The following ITGAV variants were observed in gnomAD, a reference collection of about 807,000 sequenced individuals.
ITGAV encodes integrin subunit alpha V, also known as integrin alpha-V.
ITGAV carries 76 observed loss-of-function variants against 143.8 expected under a neutral mutation model. That is an observed-to-expected ratio of 0.53 (90% CI 0.44 to 0.64). ITGAV has a LOEUF of 0.64. ITGAV is among the 30% of genes least tolerant of loss of function. The pLI is 0.00. For missense variants in ITGAV, 1,193 were observed against 1,274.7 expected, an observed-to-expected ratio of 0.94 and a Z score of 0.98; for synonymous variants, 453 against 446.7, an observed-to-expected ratio of 1.01 and a Z score of -0.18.
chr2:186,632,689 C>T (rs545950284), intron 5 of ITGAV, among the ~76,000 whole-genome samples: 195 of 152,042 alleles, frequency 1.3e-3, no homozygotes, highest in African/African-American at 4.6e-3. Flanking sequence ...AAAATATTTC[C>T]TTTAGCAGAA....
chr2:186,646,251 A>G (rs1193074918), intron 12 of ITGAV, among the ~76,000 whole-genome samples: 1 of 152,194 alleles, frequency 6.6e-6, no homozygotes, highest in Non-Finnish European at 1.5e-5. Flanking sequence ...CCATCCATAA[A>G]TAAATTATCT....
rs1689275254 is a variant in ITGAV, at chr2:186,678,571, G to C, written c.*1279G>C. Reference sequence around the variant, plus strand: ...TGAAAACCTTTTAAACCTTTCTGAAGTTCGTTAGTATAAATTACTTTTCTA... The same window carrying C: ...TGAAAACCTTTTAAACCTTTCTGAACTTCGTTAGTATAAATTACTTTTCTA... On this transcript the variant is annotated 3_prime_UTR_variant, in exon 30 of 30. Coordinates refer to ENST00000261023, the MANE Select transcript of ITGAV (RefSeq NM_002210.5). 1 of 305,952 alleles carries C rather than the reference G, an allele frequency of 3.3e-6. No homozygotes were observed. The highest frequency in any genetic ancestry group is 6.4e-6 in the Non-Finnish European group (1 of 157,174). The allele number at this position is 305,952 out of a possible 1,614,324, so 19.0% of individuals were successfully genotyped here.
intron 19 of ITGAV, 32 bp from the exon 20 acceptor site, chr2:186,664,462 T>C (rs754713030): frequency 1.2e-6 from 2 of 1,603,084 alleles, no homozygotes; most frequent in Non-Finnish European, 1.7e-6. Context: ...AGTCTTTTTT[T>C]CTCAGTCTGG....
intron 10 of ITGAV, among the ~76,000 whole-genome samples, chr2:186,640,586 G>A (rs1376642542): frequency 6.6e-6 from 1 of 152,152 alleles, no homozygotes; most frequent in Non-Finnish European, 1.5e-5. Flanking sequence ...TTTGGGAAGT[G>A]GAGAGAAAGG....
chr2:186,633,261 A>G (rs56088351), intron 5 of ITGAV, 68 bp from the exon 6 acceptor site: 96,603 of 961,294 alleles, frequency 0.1, 5,467 homozygotes, highest in South Asian at 0.14. Context: ...TATGTTTTTC[A>G]TTGATTTCTA....
At chr2:186,670,270 G>A (rs1407616862) in intron 26 of ITGAV, among the ~76,000 whole-genome samples, 2 of 151,800 alleles carry the variant, frequency 1.3e-5, no homozygotes, top group African/African-American at 4.8e-5. Flanking sequence ...CAGATCTCTA[G>A]TAGAGAACCT....
In ITGAV at chr2:186,643,624, A is replaced by G. The variant is rs188924636; in HGVS notation, c.1159+2036A>G. 2.3e-3 allele frequency among the ~76,000 whole-genome samples: 353 copies of G among 152,300 alleles called. 1 individual carries two copies. Among genetic ancestry groups the G allele is most frequent in the Non-Finnish European group, 3.7e-3 (253 of 68,014 alleles). Reference sequence around the variant, plus strand: ...CACCCTAGGCATCATCAAGAGGGATATTGAAAACAAAACAATAAAGTTATG... The same window carrying G: ...CACCCTAGGCATCATCAAGAGGGATGTTGAAAACAAAACAATAAAGTTATG... On this transcript the variant is annotated intron_variant, in intron 12 of 29. Coordinates refer to ENST00000261023, the MANE Select transcript of ITGAV (RefSeq NM_002210.5).
intron 2 of ITGAV, among the ~76,000 whole-genome samples, chr2:186,607,489 G>A (rs1181472268): frequency 6.6e-6 from 1 of 152,058 alleles, no homozygotes; most frequent in Non-Finnish European, 1.5e-5. Context: ...ATGTCACAGG[G>A]AGTAGTGATA....
chr2:186,590,334 C>A lies in ITGAV; in HGVS notation c.-5C>A, dbSNP rs544752210. The A allele has an allele frequency of 1.1e-5, 17 of 1,573,374 alleles. 1 individual carries two copies. In the Admixed American group the frequency reaches 2.4e-4, roughly 22 times the overall value. On this transcript the variant is annotated 5_prime_UTR_variant, in exon 1 of 30. Transcript: ENST00000261023. ...CCGGCTTGGCGTCCCGCGCGCACTT[C>A]GGCGATGGCTTTTCCGCCGCGGCGA...
chr2:186,642,537 T>C (rs1232341920), intron 12 of ITGAV, among the ~76,000 whole-genome samples: 3 of 21,370 alleles, frequency 1.4e-4, no homozygotes, highest in African/African-American at 2.2e-4. Flanking sequence ...TTTTTTTTCT[T>C]TTTTTTTTTT....
chr2:186,641,470 G>T lies in ITGAV; in HGVS notation c.1041G>T (p.Val347=). 6.2e-7 allele frequency: 1 copy of T among 1,614,116 alleles called. No homozygotes were observed. The highest frequency in any genetic ancestry group is 1.1e-5 in the South Asian group (1 of 91,078). The change falls in exon 12 of 30, where the codon GTG becomes GTT. Residue 347 remains valine, a synonymous_variant. Transcript: ENST00000261023. ...TCCAAGAGGTGGGGCAGGTCTCAGT[G>T]TCTCTACAGAGAGCTTCAGGAGACT... ...GKLQEVGQVS[V]SLQRASGDFQ... is the part of the protein sequence containing the mutation.
At chr2:186,655,275 G>A (rs957515375) in intron 16 of ITGAV, among the ~76,000 whole-genome samples, 4 of 152,164 alleles carry the variant, frequency 2.6e-5, no homozygotes, top group Non-Finnish European at 5.9e-5. Context: ...AAGTGGTAAG[G>A]AATAATAGTA....
chr2:186,650,353 A>G (rs1688390485), intron 14 of ITGAV, among the ~76,000 whole-genome samples: 1 of 152,020 alleles, frequency 6.6e-6, no homozygotes, highest in Non-Finnish European at 1.5e-5. Context: ...GGCACATGCT[A>G]CCACACCGGC....
intron 3 of ITGAV, among the ~76,000 whole-genome samples, chr2:186,623,592 A>G (rs150751185): frequency 0.013 from 1,931 of 152,106 alleles, 24 homozygotes; most frequent in Non-Finnish European, 0.021. Flanking sequence ...CCAAATCTAT[A>G]CCTCTAGCTT....
chr2:186,645,308 A>G (rs1688224890), intron 12 of ITGAV, among the ~76,000 whole-genome samples: 1 of 152,170 alleles, frequency 6.6e-6, no homozygotes, highest in Non-Finnish European at 1.5e-5. Context: ...ACATTGATCT[A>G]TCATTTGGAC....
chr2:186,659,316 A>G, intron 18 of ITGAV, 141 bp downstream of exon 18: 1 of 612,010 alleles, frequency 1.6e-6, no homozygotes, highest in Non-Finnish European at 2.4e-6. Flanking sequence ...TGAATTTTCT[A>G]TTTTTTTTTC....
Position 186,664,591 on chromosome 2 carries a change from G to T in ITGAV, c.2023G>T (p.Val675Phe). 6.2e-7 allele frequency: 1 copy of T among 1,614,060 alleles called. No homozygotes were observed. The change falls in exon 20 of 30, where the codon GTT (valine) becomes TTT (phenylalanine). Residue 675 changes from valine to phenylalanine, a missense_variant. By Grantham distance (50) the Val-to-Phe change is conservative. Coordinates refer to ENST00000261023, the MANE Select transcript of ITGAV (RefSeq NM_002210.5). ...GEGAYEAELI[V>F]SIPLQADFIG... ...AGGTGCCTACGAAGCTGAGCTCATCGTTTCCATTCCACTGCAGGCTGATTT... is the reference window on the plus strand; with the variant it reads ...AGGTGCCTACGAAGCTGAGCTCATCTTTTCCATTCCACTGCAGGCTGATTT...
At chr2:186,671,945 CT>C (rs370408067) in intron 26 of ITGAV, among the ~76,000 whole-genome samples, 2 of 131,744 alleles carry the variant, frequency 1.5e-5, no homozygotes, top group African/African-American at 5.7e-5. Context: ...CTTAGTACTC[CT>C]TTTTTTTTTT....
chr2:186,596,070 C>T, intron 1 of ITGAV, among the ~76,000 whole-genome samples: 1 of 152,174 alleles, frequency 6.6e-6, no homozygotes, highest in East Asian at 1.9e-4. Context: ...CAATTGTTTT[C>T]AGGACGAAGA....
Sources: allele counts gnomAD v4.1 joint callset (sites outside exome capture counted in the v4.1 genomes callset), GRCh38; gene constraint gnomAD v4.1.1; transcripts MANE v1.5; gene names NCBI Gene and HGNC (gene_info 2026-07-23, HGNC 2026-07-21).